The following GNG4 variants were observed in gnomAD, a reference collection of about 807,000 sequenced individuals.
GNG4 encodes G protein subunit gamma 4.
Under a neutral mutation model 5.8 loss-of-function variants are expected in GNG4, and 4 were observed. That is an observed-to-expected ratio of 0.69 (90% confidence interval 0.34 to 1.57). The LOEUF (loss-of-function observed/expected upper bound fraction) is 1.57, where lower values mean the gene tolerates loss of function less well. Ranked by LOEUF, GNG4 falls within the 40% of genes most tolerant of loss-of-function variation. The pLI is 0.06. For synonymous variants in GNG4, 29 were observed against 32.9 expected (o/e 0.88, Z 0.41); for missense variants, 96 against 95.1 (o/e 1.01, Z -0.04).
chr1:235,584,079 A>G (rs1687706806), intron 2 of GNG4, among the ~76,000 whole-genome samples: 1 of 152,164 alleles, frequency 6.6e-6, no homozygotes, highest in Admixed American at 6.5e-5. Context: ...GGGGACAGTG[A>G]GAAGAGAACA....
intron 1 of GNG4, among the ~76,000 whole-genome samples, chr1:235,635,610 C>T (rs1689020661): frequency 6.0e-5 from 1 of 16,582 alleles, no homozygotes; most frequent in Admixed American, 5.4e-4. Context: ...TGGTGCCATG[C>T]TTGTACAACC....
rs770033937 is a variant in GNG4 at position 235,552,090 on chromosome 1, G to T, written c.*19C>A. 1 of 1,612,546 alleles carries T rather than the reference G, an allele frequency of 6.2e-7. No homozygotes were observed. The highest frequency in any genetic ancestry group is 1.3e-5 in the African/African-American group (1 of 75,008). On this transcript the variant is annotated 3_prime_UTR_variant, in exon 4 of 4. Transcript: ENST00000391854. ...GACTTTGAAGGTCAGAAAAGGAGGC[G>T]TTTTCATCACACACGGAGTTAGAGA...
intron 3 of GNG4, among the ~76,000 whole-genome samples, chr1:235,567,395 T>C (rs935033801): frequency 3.3e-5 from 5 of 152,226 alleles, no homozygotes; most frequent in Non-Finnish European, 7.3e-5. Flanking sequence ...CACATTCTTG[T>C]GCAACTATCA....
At chr1:235,622,439 C>T (rs750508924) in intron 1 of GNG4, among the ~76,000 whole-genome samples, 2 of 152,116 alleles carry the variant, frequency 1.3e-5, no homozygotes, top group East Asian at 1.9e-4. Flanking sequence ...TGAGGCTGGG[C>T]GCGGTAGCTC....
chr1:235,628,425 G>T (rs1688864887), intron 1 of GNG4, among the ~76,000 whole-genome samples: 1 of 151,710 alleles, frequency 6.6e-6, no homozygotes, highest in Non-Finnish European at 1.5e-5. Context: ...ACGGGGGGGG[G>T]TTACAAGACC....
At chr1:235,563,385 AAC>A (rs1007651088) in intron 3 of GNG4, among the ~76,000 whole-genome samples, 1 of 139,384 alleles carries the variant, frequency 7.2e-6, no homozygotes, top group Non-Finnish European at 1.5e-5. Flanking sequence ...CAGCCTGGAC[AAC>A]AGAGTGAAAC....
chr1:235,647,783 C>T (rs1026672409), intron 1 of GNG4, among the ~76,000 whole-genome samples: 1 of 152,164 alleles, frequency 6.6e-6, no homozygotes, highest in Admixed American at 6.5e-5. Context: ...TACAGGCGTG[C>T]ACCACCACGC....
At position 235,552,057 on chromosome 1, in the gene GNG4, C is replaced by G. The variant is rs1686763739; in HGVS notation, c.*52G>C. ...CTAAGGCTTAGAGCATGCATGGTCTCTACAGGGGACTTTGAAGGTCAGAAA... is the reference window on the plus strand; with the variant it reads ...CTAAGGCTTAGAGCATGCATGGTCTGTACAGGGGACTTTGAAGGTCAGAAA... On this transcript the variant is annotated 3_prime_UTR_variant, in exon 4 of 4. Coordinates refer to ENST00000391854, the MANE Select transcript of GNG4 (RefSeq NM_001098722.2). The G allele has an allele frequency of 6.3e-7, 1 of 1,581,426 alleles. No individual in the cohort carries two copies. Among genetic ancestry groups the G allele is most frequent in the Admixed American group, 1.7e-5 (1 of 59,828 alleles).
chr1:235,570,860 A>ATGTGTGTGTGTGTG (rs756211268), intron 3 of GNG4, among the ~76,000 whole-genome samples: 5 of 92,016 alleles, frequency 5.4e-5, no homozygotes, highest in African/African-American at 1.8e-4. Flanking sequence ...TTATATATAT[A>ATGTGTGTGTGTGTG]TATGTGTGTG....
intron 1 of GNG4, among the ~76,000 whole-genome samples, chr1:235,604,479 C>G (rs950441129): frequency 6.6e-6 from 1 of 152,180 alleles, no homozygotes; most frequent in African/African-American, 2.4e-5. Context: ...GGGTCACGCT[C>G]CCTCTGAAGG....
chr1:235,598,470 G>A (rs1490165581), intron 1 of GNG4, among the ~76,000 whole-genome samples: 2 of 152,120 alleles, frequency 1.3e-5, no homozygotes, highest in African/African-American at 4.8e-5. Context: ...TTATCTGGGT[G>A]TGGTGGCACA....
At chr1:235,614,697 C>G (rs953368554) in intron 1 of GNG4, 1 of 152,460 alleles carries the variant, frequency 6.6e-6, no homozygotes, top group African/African-American at 2.4e-5. Flanking sequence ...GCTGCTGTAC[C>G]TGGCCTTCCA....
chr1:235,567,662 T>A (rs1049199709), intron 3 of GNG4, among the ~76,000 whole-genome samples: 4 of 152,234 alleles, frequency 2.6e-5, no homozygotes, highest in African/African-American at 9.6e-5. Flanking sequence ...TAAGGCTGAA[T>A]AATTTTCTGT....
chr1:235,626,287 T>C (rs1688808008), intron 1 of GNG4, among the ~76,000 whole-genome samples: 1 of 152,334 alleles, frequency 6.6e-6, no homozygotes, highest in Middle Eastern at 3.4e-3. Context: ...TGTTTTCTAT[T>C]GAGTTTTAAG....
At chr1:235,627,450 T>A (rs779705143) in intron 1 of GNG4, among the ~76,000 whole-genome samples, 11 of 151,982 alleles carry the variant, frequency 7.2e-5, no homozygotes, top group Non-Finnish European at 1.3e-4. Flanking sequence ...CTCAAACTCC[T>A]GACCTTGTAA....
At chr1:235,560,464 T>G (rs1015450643) in intron 3 of GNG4, among the ~76,000 whole-genome samples, 1 of 152,150 alleles carries the variant, frequency 6.6e-6, no homozygotes, top group African/African-American at 2.4e-5. Context: ...AGGTAGCCCT[T>G]TCCCAGCCCC....
intron 2 of GNG4, among the ~76,000 whole-genome samples, chr1:235,586,764 G>A (rs1055000347): frequency 2.0e-5 from 3 of 152,170 alleles, no homozygotes; most frequent in Admixed American, 6.5e-5. Flanking sequence ...ATGAGTGGAA[G>A]CTTCCTGAGG....
intron 3 of GNG4, among the ~76,000 whole-genome samples, chr1:235,553,941 T>C (rs1686825860): frequency 1.3e-5 from 2 of 152,164 alleles, no homozygotes; most frequent in South Asian, 4.1e-4. Context: ...ATGGTCAGTA[T>C]TTAAGATCCT....
At chr1:235,573,255 C>A (rs917637591) in intron 3 of GNG4, among the ~76,000 whole-genome samples, 4 of 146,720 alleles carry the variant, frequency 2.7e-5, no homozygotes, top group African/African-American at 5.1e-5. Context: ...CATGTTCTCA[C>A]TCATAGGTGG....
Sources: allele counts gnomAD v4.1 joint callset (sites outside exome capture counted in the v4.1 genomes callset), GRCh38; gene constraint gnomAD v4.1.1; transcripts MANE v1.5; gene names NCBI Gene and HGNC (gene_info 2026-07-23, HGNC 2026-07-21).